The following PRKN variants were observed in gnomAD, a reference collection of about 807,000 sequenced individuals.
The protein encoded by PRKN is parkin RBR E3 ubiquitin protein ligase.
In PRKN, 56 loss-of-function variants were observed where a neutral mutation model predicts 59.5. The ratio of observed to expected loss-of-function variants is 0.94; its 90% CI spans 0.76 to 1.18. The LOEUF is 1.18. PRKN is among the 50% of genes most tolerant of loss of function. The pLI is 0.00. For missense variants in PRKN, 657 were observed against 596.4 expected, an observed-to-expected ratio of 1.10 and a Z score of -1.06; for synonymous variants, 250 against 222.1, an observed-to-expected ratio of 1.13 and a Z score of -1.12.
intron 7 of PRKN, among the ~76,000 whole-genome samples, chr6:161,660,481 T>C (rs1784503307): frequency 6.6e-6 from 1 of 152,150 alleles, no homozygotes; most frequent in South Asian, 2.1e-4. Flanking sequence ...GTCATTTCTG[T>C]GAAGATCAAA....
At chr6:162,526,045 G>A (rs779817077) in intron 1 of PRKN, among the ~76,000 whole-genome samples, 12 of 151,952 alleles carry the variant, frequency 7.9e-5, no homozygotes, top group Admixed American at 2.0e-4. Context: ...GTTTCACTAT[G>A]TTGCCTAGGT....
chr6:162,615,479 T>G (rs1893119), intron 1 of PRKN, among the ~76,000 whole-genome samples: 93,021 of 151,884 alleles, frequency 0.61, 29,208 homozygotes, highest in African/African-American at 0.75. Flanking sequence ...CAGACCTATG[T>G]ACACCCTTGG....
chr6:162,502,953 G>C (rs1045354293), intron 1 of PRKN, among the ~76,000 whole-genome samples: 1 of 151,590 alleles, frequency 6.6e-6, no homozygotes, highest in Non-Finnish European at 1.5e-5. Context: ...TAAAGTTAAA[G>C]GATCTAAATA....
At position 161,704,242 on chromosome 6, in the gene PRKN, C is replaced by G. The variant is rs118170327; in HGVS notation, c.871+81530G>C. On this transcript the variant is annotated intron_variant, in intron 7 of 11. Transcript: ENST00000366898. The stretch of plus-strand genomic sequence containing the variant: ...ACGGAACACTCCCAGTACATACTTG[C>G]TGAGTGCATGAAGGCAGTCTCAGGT... Among the ~76,000 whole-genome samples the G allele has an allele frequency of 1.6e-3, 238 of 152,240 alleles. 5 individuals carry two copies. In the East Asian group the frequency reaches 0.03, roughly 19 times the overall value.
At chr6:161,962,674 T>G (rs1780427408) in intron 6 of PRKN, among the ~76,000 whole-genome samples, 1 of 151,934 alleles carries the variant, frequency 6.6e-6, no homozygotes, top group Non-Finnish European at 1.5e-5. Flanking sequence ...GTAGCTGGGA[T>G]TACAGGTGCA....
chr6:161,835,280 G>GAACT (rs1478162781), intron 6 of PRKN, among the ~76,000 whole-genome samples: 1 of 152,118 alleles, frequency 6.6e-6, no homozygotes, highest in Non-Finnish European at 1.5e-5. Context: ...GGGCAAAAGG[G>GAACT]AACTGACTTG....
intron 5 of PRKN, among the ~76,000 whole-genome samples, chr6:162,051,419 T>C (rs1344574804): frequency 6.6e-6 from 1 of 152,084 alleles, no homozygotes; most frequent in Non-Finnish European, 1.5e-5. Flanking sequence ...AAAGCCAGCG[T>C]GGGGGACTTT....
In PRKN at chr6:162,342,425, T is replaced by C. The variant is rs546423971; in HGVS notation, c.172-79660A>G. On this transcript the variant is annotated intron_variant, in intron 2 of 11. Transcript: ENST00000366898. ...TAGCACCAGGCACGATGTGAAGTAG[T>C]TTACATATATTATCTCATATCACCT... Among the ~76,000 whole-genome samples the C allele has an allele frequency of 5.9e-5, 9 of 152,320 alleles. No homozygotes were observed. In the South Asian group the frequency reaches 1.9e-3, roughly 32 times the overall value.
chr6:161,790,303 T>C (rs1790588266), intron 6 of PRKN, among the ~76,000 whole-genome samples: 1 of 152,114 alleles, frequency 6.6e-6, no homozygotes, highest in Non-Finnish European at 1.5e-5. Flanking sequence ...AAAAGATGTA[T>C]CAGGAAAATG....
At chr6:162,506,832 C>T (rs1793630662) in intron 1 of PRKN, among the ~76,000 whole-genome samples, 1 of 152,090 alleles carries the variant, frequency 6.6e-6, no homozygotes, top group East Asian at 1.9e-4. Flanking sequence ...CCCTTAAGCG[C>T]ATCACAGTGG....
At chr6:162,443,105 T>G (rs1192443565) in intron 2 of PRKN, among the ~76,000 whole-genome samples, 3 of 152,202 alleles carry the variant, frequency 2.0e-5, no homozygotes, top group Non-Finnish European at 4.4e-5. Context: ...TCACTCGCAG[T>G]TGTTCTTCCA....
Position 161,584,600 on chromosome 6 carries a change from A to C in PRKN, c.872-15184T>G, listed in dbSNP as rs189804921. On this transcript the variant is annotated intron_variant, in intron 7 of 11. Transcript: ENST00000366898. The surrounding 1 kb of genome is among the most constrained non-coding windows in gnomAD (Gnocchi z 4.8). ...GTTGAGGATTTCCTGGTTTTATTGTAAGAGAGTAGCTGTTGTCCCTCCAAT... is the reference window on the plus strand; with the variant it reads ...GTTGAGGATTTCCTGGTTTTATTGTCAGAGAGTAGCTGTTGTCCCTCCAAT... Among the ~76,000 whole-genome samples the C allele has an allele frequency of 2.0e-5, 3 of 152,292 alleles. No homozygotes were observed. In the East Asian group the frequency reaches 5.8e-4, roughly 29 times the overall value.
At chr6:162,301,057 T>A (rs1223667765) in intron 2 of PRKN, among the ~76,000 whole-genome samples, 1 of 152,054 alleles carries the variant, frequency 6.6e-6, no homozygotes, top group Non-Finnish European at 1.5e-5. Context: ...CTAGTACTTC[T>A]TATACATGAT....
chr6:161,572,497 T>C (rs1023755917), intron 7 of PRKN, among the ~76,000 whole-genome samples: 3 of 151,968 alleles, frequency 2.0e-5, no homozygotes, highest in Admixed American at 6.6e-5. Flanking sequence ...CTGTTTCTAC[T>C]AAAAATACAA....
chr6:161,359,292 T>C lies in PRKN; in HGVS notation c.1285+796A>G, dbSNP rs1001154511. Among the ~76,000 whole-genome samples the C allele has an allele frequency of 2.0e-5, 3 of 152,214 alleles. No homozygotes were observed. The highest frequency in any genetic ancestry group is 1.3e-4 in the Admixed American group (2 of 15,288). ...TGTTCAAGCACCGTCTTGTTTGTAT[T>C]AATGAAAACTTCCTGAAGGACATAA... is the stretch of plus-strand genomic sequence containing the variant. On this transcript the variant is annotated intron_variant, in intron 11 of 11. Coordinates refer to ENST00000366898, the MANE Select transcript of PRKN (RefSeq NM_004562.3). This position sits in a 1 kb window ranked among gnomAD's most constrained non-coding sequence, Gnocchi z 5.4.
rs1786272237 is a variant in PRKN, at chr6:161,386,779, T to C, written c.1167+15A>G. The C allele has an allele frequency of 1.9e-6, 3 of 1,583,362 alleles. No individual in the cohort carries two copies. The highest frequency in any genetic ancestry group is 2.6e-6 in the Non-Finnish European group (3 of 1,151,966). On this transcript the variant is annotated intron_variant, in intron 10 of 11. Transcript: ENST00000366898. The surrounding 1 kb of genome is among the most constrained non-coding windows in gnomAD (Gnocchi z 4.3). ...CCGGAGCCCTGCTTGGAGGAATGAG[T>C]AGGGCATTCTGTACCTGAGTAGTTG...
chr6:162,495,627 T>C (rs960065541), intron 1 of PRKN, among the ~76,000 whole-genome samples: 3 of 152,232 alleles, frequency 2.0e-5, no homozygotes, highest in African/African-American at 4.8e-5. Flanking sequence ...GCAAACGTCA[T>C]CTTGGTCCTC....
intron 2 of PRKN, among the ~76,000 whole-genome samples, chr6:162,425,914 G>A (rs982095169): frequency 7.9e-5 from 12 of 152,162 alleles, no homozygotes; most frequent in African/African-American, 2.7e-4. Flanking sequence ...AAAGCTGAAC[G>A]CATGGATGTG....
At chr6:162,637,974 T>C (rs1273250333) in intron 1 of PRKN, among the ~76,000 whole-genome samples, 1 of 152,174 alleles carries the variant, frequency 6.6e-6, no homozygotes, top group African/African-American at 2.4e-5. Context: ...AAAGCATCTC[T>C]AAAAGCCCTC....
Sources: gnomAD v4.1 joint callset for allele counts (sites outside exome capture counted in the v4.1 genomes callset) on GRCh38, gnomAD v4.1.1 for gene constraint, Gnocchi (gnomAD v3.1) non-coding constraint, MANE v1.5 for transcripts, NCBI Gene and HGNC (gene_info 2026-07-23, HGNC 2026-07-21) for gene names.